The following NAA25 variants were observed in gnomAD, a reference collection of about 807,000 sequenced individuals.
NAA25 encodes the protein N-alpha-acetyltransferase 25, NatB auxiliary subunit, also known as N-terminal acetyltransferase B complex subunit NAA25.
A neutral mutation model predicts 132.5 loss-of-function variants in NAA25; 30 were observed. The ratio of observed to expected loss-of-function variants is 0.23; its 90% CI spans 0.17 to 0.31. The LOEUF is 0.31. Among genes scored for constraint, NAA25 ranks in the 10% least tolerant of loss-of-function variants. The pLI is 1.00. For synonymous variants in NAA25, 359 were observed against 401.9 expected (o/e 0.89, Z 1.28); for missense variants, 771 against 1,150.4 (o/e 0.67, Z 4.77).
chr12:112,044,875 TAAAAAAAAAAA>T lies in NAA25; in HGVS notation c.2007-1018_2007-1008del, dbSNP rs879272275. ...GGTAAACATAGCAAGACCCAGTCTC[TAAAAAAAAAAA>T]AAAAAAAATACAAAAAATTGGCTGG... On this transcript the variant is annotated intron_variant, in intron 17 of 23. Coordinates refer to ENST00000261745, the MANE Select transcript of NAA25 (RefSeq NM_024953.4). Among the ~76,000 whole-genome samples the T allele has an allele frequency of 6.5e-5, 7 of 106,974 alleles. No homozygotes were observed. In the South Asian group the frequency reaches 2.0e-3, roughly 31 times the overall value. 70.2% of individuals were successfully genotyped at this position (106,974 alleles called of 152,430 possible).
chr12:112,065,148 G>A (rs1236338707), intron 11 of NAA25, among the ~76,000 whole-genome samples: 2 of 152,118 alleles, frequency 1.3e-5, no homozygotes, highest in South Asian at 2.1e-4. Context: ...ATCACCTGAG[G>A]CCAAGAGTTC....
rs1255054224 is a variant in NAA25 at position 112,075,761 on chromosome 12, C to T, written c.693G>A (p.Arg231=). 6.2e-7 allele frequency: 1 copy of T among 1,613,968 alleles called. No individual in the cohort carries two copies. ...GEKLTSEIQS[R]ENKCMAMYKK... ...TGTACATAGCCATGCATTTATTTTC[C>T]CGACTCTGAATCTCACTTGTCAACT... Residue 231 remains arginine, a synonymous_variant, in exon 8 of 24, where the codon CGG becomes CGA. Transcript: ENST00000261745.
chr12:112,037,205 G>A (rs961751737), intron 22 of NAA25, among the ~76,000 whole-genome samples: 5 of 144,188 alleles, frequency 3.5e-5, no homozygotes, highest in Admixed American at 1.4e-4. Context: ...TATGATAATG[G>A]CTTATAATAA....
At chr12:112,085,750 T>C (rs771951947) in intron 4 of NAA25, among the ~76,000 whole-genome samples, 58 of 152,012 alleles carry the variant, frequency 3.8e-4, no homozygotes, top group Non-Finnish European at 2.6e-4. Context: ...CTGGGCACAG[T>C]GGCTCACGCC....
chr12:112,082,677 CTTCT>C (rs1176734203), intron 4 of NAA25, among the ~76,000 whole-genome samples: 1 of 151,206 alleles, frequency 6.6e-6, no homozygotes, highest in Non-Finnish European at 1.5e-5. Flanking sequence ...TTTCTTACCT[CTTCT>C]TTCTTTAAGG....
At chr12:112,036,451 ACT>A (rs1328997269) in intron 22 of NAA25, among the ~76,000 whole-genome samples, 1 of 152,172 alleles carries the variant, frequency 6.6e-6, no homozygotes, top group African/African-American at 2.4e-5. Context: ...CAGGGTTCTC[ACT>A]CTGAGAAAAG....
chr12:112,061,150 G>A (rs1566011951), intron 12 of NAA25, 31 bp downstream of exon 12: 1 of 1,588,270 alleles, frequency 6.3e-7, no homozygotes, highest in Admixed American at 1.7e-5. Flanking sequence ...GTAGATCAGG[G>A]AACTACTGCA....
At chr12:112,034,848 T>G (rs888667244) in intron 22 of NAA25, 4 of 151,524 alleles carry the variant, frequency 2.6e-5, no homozygotes, top group African/African-American at 9.7e-5. Flanking sequence ...AGAAATTATA[T>G]TATAAATGTA....
intron 22 of NAA25, among the ~76,000 whole-genome samples, chr12:112,038,847 C>T (rs2078262667): frequency 6.6e-6 from 1 of 152,080 alleles, no homozygotes; most frequent in Admixed American, 6.5e-5. Flanking sequence ...GGTGTGGTGG[C>T]AGGCGCCTGT....
At chr12:112,033,749 CA>C (rs201723364) in intron 22 of NAA25, 48 of 143,100 alleles carry the variant, frequency 3.4e-4, no homozygotes, top group South Asian at 8.9e-4. Context: ...ACTACATTGA[CA>C]AAAAAAAAAT....
chr12:112,035,845 C>G (rs940179819), intron 22 of NAA25, among the ~76,000 whole-genome samples: 1 of 151,986 alleles, frequency 6.6e-6, no homozygotes, highest in Non-Finnish European at 1.5e-5. Flanking sequence ...CCATGCCCAA[C>G]TAATTTTTAA....
intron 1 of NAA25, among the ~76,000 whole-genome samples, chr12:112,095,802 A>G (rs1463799577): frequency 6.6e-6 from 1 of 152,136 alleles, no homozygotes. Context: ...AGATAGTAAA[A>G]TCATCAGTGG....
chr12:112,062,550 C>T (rs1455583006), intron 11 of NAA25, among the ~76,000 whole-genome samples: 1 of 151,794 alleles, frequency 6.6e-6, no homozygotes, highest in Non-Finnish European at 1.5e-5. Context: ...CACAGTGAAA[C>T]CCTGTCTCTA....
At chr12:112,076,018 G>A (rs2078891470) in intron 7 of NAA25, among the ~76,000 whole-genome samples, 1 of 152,116 alleles carries the variant, frequency 6.6e-6, no homozygotes, top group African/African-American at 2.4e-5. Flanking sequence ...AAGTAGCTGG[G>A]ATTACAGGCA....
At chr12:112,061,108 G>T in intron 12 of NAA25, 73 bp downstream of exon 12, 1 of 1,224,174 alleles carries the variant, frequency 8.2e-7, no homozygotes, top group Non-Finnish European at 1.2e-6. Flanking sequence ...GGGTGCTACA[G>T]GTGCTTAAAA....
At chr12:112,057,698 T>C (rs896569248) in intron 13 of NAA25, among the ~76,000 whole-genome samples, 2 of 151,954 alleles carry the variant, frequency 1.3e-5, no homozygotes, top group Admixed American at 6.6e-5. Context: ...CTACTAAAAA[T>C]ACAAAAATTA....
chr12:112,100,870 G>T (rs7310057), intron 1 of NAA25, among the ~76,000 whole-genome samples: 2,451 of 148,738 alleles, frequency 0.016, 60 homozygotes, highest in African/African-American at 0.057. Context: ...CACCTGCCTT[G>T]GCCTCCCAAA....
rs11538241 is a variant in NAA25 at position 112,027,472 on chromosome 12, G to A, written c.*2059C>T. 6.6e-6 allele frequency: 1 copy of A among 152,526 alleles called. No homozygotes were observed. The highest frequency in any genetic ancestry group is 1.5e-5 in the Non-Finnish European group (1 of 68,024). 9.4% of individuals were successfully genotyped at this position (152,526 alleles called of 1,614,324 possible). On this transcript the variant is annotated 3_prime_UTR_variant, in exon 24 of 24. Coordinates refer to ENST00000261745, the MANE Select transcript of NAA25 (RefSeq NM_024953.4). ...GGATCTAATTGAAATGCTACATTTAGTAGGAAAATCAGCAAATAACAAAGG... is the reference window on the plus strand; with the variant it reads ...GGATCTAATTGAAATGCTACATTTAATAGGAAAATCAGCAAATAACAAAGG...
At chr12:112,054,337 C>A (rs549077102) in intron 14 of NAA25, 51 bp downstream of exon 14, 1 of 1,508,314 alleles carries the variant, frequency 6.6e-7, no homozygotes, top group South Asian at 1.2e-5. Flanking sequence ...GTCCTGTGTA[C>A]CCCACACTGG....
Sources: gnomAD v4.1 joint callset for allele counts (sites outside exome capture counted in the v4.1 genomes callset) on GRCh38, gnomAD v4.1.1 for gene constraint, MANE v1.5 for transcripts, NCBI Gene and HGNC (gene_info 2026-07-23, HGNC 2026-07-21) for gene names.